DPP6: variants seen among roughly 807,000 people sequenced by gnomAD.
DPP6 encodes the protein dipeptidyl peptidase like 6.
DPP6 carries 69 observed loss-of-function variants against 122.6 expected under a neutral mutation model. That is an observed-to-expected ratio of 0.56 (90% confidence interval 0.46 to 0.69). The LOEUF (loss-of-function observed/expected upper bound fraction) is 0.69, where lower values mean the gene tolerates loss of function less well. Ranked by LOEUF, DPP6 falls within the 30% of genes least tolerant of loss-of-function variation. The probability of loss-of-function intolerance (pLI) is 0.00; values close to 1 mark genes in which losing one functional copy is unlikely to be tolerated. For synonymous variants in DPP6, 418 were observed against 433.1 expected, an observed-to-expected ratio of 0.97 and a Z score of 0.43; for missense variants, 928 against 1,116.9, an observed-to-expected ratio of 0.83 and a Z score of 2.41.
At chr7:154,832,931 G>C (rs1800745992) in intron 16 of DPP6, among the ~76,000 whole-genome samples, 1 of 152,246 alleles carries the variant, frequency 6.6e-6, no homozygotes, top group Non-Finnish European at 1.5e-5. Context: ...TGGGGACACA[G>C]AGAATCGAGC....
At chr7:154,773,808 C>G (rs1275420545) in intron 10 of DPP6, among the ~76,000 whole-genome samples, 1 of 152,142 alleles carries the variant, frequency 6.6e-6, no homozygotes, top group Non-Finnish European at 1.5e-5. Flanking sequence ...CTTCTGGCAG[C>G]TTCTGGAAAG....
At chr7:154,008,629 G>A in intron 1 of DPP6, among the ~76,000 whole-genome samples, 1 of 149,862 alleles carries the variant, frequency 6.7e-6, no homozygotes, top group African/African-American at 2.5e-5. Flanking sequence ...GCTGCAATAA[G>A]TACAGTAATT....
chr7:153,947,508 AAG>A, intron 1 of DPP6, among the ~76,000 whole-genome samples: 1 of 152,290 alleles, frequency 6.6e-6, no homozygotes, highest in Non-Finnish European at 1.5e-5. Flanking sequence ...TAATAATAAT[AAG>A]AGAAAATTAC....
At chr7:154,383,882 T>A (rs1469363245) in intron 1 of DPP6, among the ~76,000 whole-genome samples, 3 of 115,894 alleles carry the variant, frequency 2.6e-5, no homozygotes, top group Non-Finnish European at 5.6e-5. Context: ...AGAGTGAGAC[T>A]CTGTCTCCAA....
chr7:154,424,967 C>T (rs1817766522), intron 1 of DPP6, among the ~76,000 whole-genome samples: 1 of 152,138 alleles, frequency 6.6e-6, no homozygotes, highest in South Asian at 2.1e-4. Flanking sequence ...ATTGCATTCT[C>T]GTTGATTGAT....
intron 3 of DPP6, among the ~76,000 whole-genome samples, chr7:154,538,629 C>T (rs1027219304): frequency 2.6e-5 from 4 of 152,006 alleles, no homozygotes; most frequent in South Asian, 2.1e-4. Flanking sequence ...AGCTAATGGA[C>T]GAAGGGAGAT....
At chr7:154,512,329 A>G (rs140731044) in intron 3 of DPP6, among the ~76,000 whole-genome samples, 10 of 152,274 alleles carry the variant, frequency 6.6e-5, no homozygotes, top group African/African-American at 2.4e-4. Flanking sequence ...ATGTGCTTCT[A>G]CGTGTAATGT....
intron 3 of DPP6, among the ~76,000 whole-genome samples, chr7:154,500,525 T>C (rs1825143503): frequency 6.6e-6 from 1 of 152,202 alleles, no homozygotes; most frequent in Admixed American, 6.5e-5. Flanking sequence ...GGATCTTTCC[T>C]GCGTTGTTCT....
chr7:154,155,044 C>T (rs1796613447), intron 1 of DPP6, among the ~76,000 whole-genome samples: 1 of 152,144 alleles, frequency 6.6e-6, no homozygotes, highest in South Asian at 2.1e-4. Flanking sequence ...TCCCTCGATC[C>T]TTGCCTGATT....
chr7:153,860,239 G>A, the DPP6 span, among the ~76,000 whole-genome samples: 1 of 152,106 alleles, frequency 6.6e-6, no homozygotes, highest in East Asian at 1.9e-4. Flanking sequence ...CAAGTACTTT[G>A]ACACCTAGGG....
chr7:153,899,325 C>G (rs1269416639), intron 1 of DPP6, among the ~76,000 whole-genome samples: 1 of 152,108 alleles, frequency 6.6e-6, no homozygotes, highest in Non-Finnish European at 1.5e-5. Flanking sequence ...GAGCCCAGCT[C>G]CCAGGACAGT....
chr7:154,778,967 CGCT>C (rs371854644), intron 10 of DPP6, among the ~76,000 whole-genome samples: 2 of 142,690 alleles, frequency 1.4e-5, no homozygotes, highest in African/African-American at 2.7e-5. Context: ...CCATCACCTC[CGCT>C]ACCACCATCA....
chr7:154,677,099 G>A (rs185396909), intron 7 of DPP6, among the ~76,000 whole-genome samples: 1 of 152,278 alleles, frequency 6.6e-6, no homozygotes, highest in East Asian at 1.9e-4. Flanking sequence ...CATTCTATGA[G>A]CTATTGTTAT....
At chr7:153,780,183 A>G in the DPP6 span, among the ~76,000 whole-genome samples, 1 of 152,156 alleles carries the variant, frequency 6.6e-6, no homozygotes, top group Non-Finnish European at 1.5e-5. Context: ...AAAAAAGAGA[A>G]CAGTGTCTTG....
intron 1 of DPP6, among the ~76,000 whole-genome samples, chr7:154,114,032 T>C (rs3112014): frequency 0.82 from 124,505 of 151,528 alleles, 51,733 homozygotes; most frequent in African/African-American, 0.94. Flanking sequence ...ATAAAATTAT[T>C]TCTATTTGCG....
intron 1 of DPP6, among the ~76,000 whole-genome samples, chr7:154,436,509 G>A (rs1027938881): frequency 7.2e-5 from 11 of 151,980 alleles, no homozygotes; most frequent in South Asian, 4.1e-4. Flanking sequence ...CTCTCCCACC[G>A]CGTGCAAGTG....
intron 1 of DPP6, among the ~76,000 whole-genome samples, chr7:153,912,431 A>G (rs1372561508): frequency 6.6e-6 from 1 of 152,196 alleles, no homozygotes; most frequent in Non-Finnish European, 1.5e-5. Flanking sequence ...CTCCTCTGCA[A>G]AAAGCTGAAT....
At chr7:154,634,885 C>A (rs751738386) in intron 5 of DPP6, among the ~76,000 whole-genome samples, 40 of 152,118 alleles carry the variant, frequency 2.6e-4, no homozygotes, top group Non-Finnish European at 3.4e-4. Flanking sequence ...TTGGGGATGG[C>A]ATAACCAGGG....
chr7:153,886,304 G>A (rs1798909916), upstream of DPP6, among the ~76,000 whole-genome samples: 1 of 152,162 alleles, frequency 6.6e-6, no homozygotes, highest in Admixed American at 6.5e-5. Context: ...GATGATTGAT[G>A]GGAACAGCGC....
Sources: gnomAD v4.1 joint callset for allele counts (sites outside exome capture counted in the v4.1 genomes callset) on GRCh38, gnomAD v4.1.1 for gene constraint, MANE v1.5 for transcripts, NCBI Gene and HGNC (gene_info 2026-07-23, HGNC 2026-07-21) for gene names.